KMT2C: variants seen among roughly 807,000 people sequenced by gnomAD.
KMT2C encodes the protein histone-lysine N-methyltransferase 2C.
A neutral mutation model predicts 507.9 loss-of-function variants in KMT2C; 88 were observed. The ratio of observed to expected loss-of-function variants is 0.17; its 90% CI spans 0.15 to 0.21. The LOEUF (loss-of-function observed/expected upper bound fraction) is 0.21, where lower values mean the gene tolerates loss of function less well. Among genes scored for constraint, KMT2C ranks in the 10% least tolerant of loss-of-function variants. The probability of loss-of-function intolerance (pLI) is 1.00; values close to 1 mark genes in which losing one functional copy is unlikely to be tolerated. For missense variants in KMT2C, 4,954 were observed against 5,957.8 expected, an observed-to-expected ratio of 0.83 and a Z score of 5.55; for synonymous variants, 2,049 against 2,080.8, an observed-to-expected ratio of 0.98 and a Z score of 0.42.
At chr7:152,290,310 T>G (rs1166002387) in intron 6 of KMT2C, among the ~76,000 whole-genome samples, 1 of 100,872 alleles carries the variant, frequency 9.9e-6, no homozygotes, top group African/African-American at 3.8e-5. Context: ...TTTTTTTTTT[T>G]TTTTTTTTTT....
At chr7:152,432,027 G>C (rs1026966657) in intron 1 of KMT2C, among the ~76,000 whole-genome samples, 1 of 152,184 alleles carries the variant, frequency 6.6e-6, no homozygotes, top group African/African-American at 2.4e-5. Flanking sequence ...GCTGGTCCTT[G>C]TAATGACAAT....
At chr7:152,373,631 A>C (rs1345311590) in intron 1 of KMT2C, among the ~76,000 whole-genome samples, 1 of 152,232 alleles carries the variant, frequency 6.6e-6, no homozygotes, top group Non-Finnish European at 1.5e-5. Context: ...AATATCACTA[A>C]TGTCTACTTA....
chr7:152,314,323 G>A (rs1288785309), intron 4 of KMT2C, among the ~76,000 whole-genome samples: 1 of 152,098 alleles, frequency 6.6e-6, no homozygotes, highest in Admixed American at 6.5e-5. Context: ...TAACCCTCAA[G>A]AGGCAGTGTT....
chr7:152,187,910 G>C (rs1382806239), intron 31 of KMT2C, 63 bp from the exon 32 acceptor site: 18 of 1,536,746 alleles, frequency 1.2e-5, no homozygotes, highest in African/African-American at 2.7e-5. Context: ...TTGAAGTAAA[G>C]CTGGCCCTTG....
rs749112384 is a variant in KMT2C at position 152,250,839 on chromosome 7, T to C, written c.1735+14A>G. Reference sequence around the variant, plus strand: ...TTTCTTCAAAAACAGAGTATATCCATTAAACATTCTTACCATCTGGAACAA... The same window carrying C: ...TTTCTTCAAAAACAGAGTATATCCACTAAACATTCTTACCATCTGGAACAA... On this transcript the variant is annotated intron_variant, in intron 12 of 58. Coordinates refer to ENST00000262189, the MANE Select transcript of KMT2C (RefSeq NM_170606.3). 6 of 1,325,790 alleles carry C rather than the reference T, an allele frequency of 4.5e-6. No homozygotes were observed. The highest frequency in any genetic ancestry group is 1.8e-4 in the Middle Eastern group (1 of 5,494). 82.1% of individuals were successfully genotyped at this position (1,325,790 alleles called of 1,614,324 possible). A position where few individuals can be genotyped will look rare whatever the true frequency, so the allele number is the denominator to read the frequency against.
At chr7:152,247,279 AG>A (rs1305855634) in intron 14 of KMT2C, among the ~76,000 whole-genome samples, 5 of 152,208 alleles carry the variant, frequency 3.3e-5, no homozygotes, top group Non-Finnish European at 7.3e-5. Flanking sequence ...CTTAAAGGGT[AG>A]AATGTACATG....
At position 152,171,152 on chromosome 7, in the gene KMT2C, C is replaced by A. The variant is rs956504257; in HGVS notation, c.9453+112G>T. The A allele has an allele frequency of 1.7e-5, 10 of 593,108 alleles. No individual in the cohort carries two copies. In the African/African-American group the frequency reaches 1.7e-4, roughly 10 times the overall value. 36.7% of individuals were successfully genotyped at this position (593,108 alleles called of 1,614,324 possible). On this transcript the variant is annotated intron_variant, in intron 40 of 58. Transcript: ENST00000262189. ...TGGCATATGGTGAAATCCGCATTTA[C>A]TTCTGCACAAACCTAGTACTACTCT... is the stretch of plus-strand genomic sequence containing the variant.
At chr7:152,335,416 G>A (rs1589265743) in intron 2 of KMT2C, among the ~76,000 whole-genome samples, 1 of 152,246 alleles carries the variant, frequency 6.6e-6, no homozygotes, top group East Asian at 1.9e-4. Flanking sequence ...ACTTAAGGAG[G>A]AATAAGAATA....
intron 2 of KMT2C, among the ~76,000 whole-genome samples, chr7:152,338,451 A>G (rs988720263): frequency 1.3e-5 from 2 of 152,178 alleles, no homozygotes; most frequent in African/African-American, 4.8e-5. Context: ...TGATGCTGGT[A>G]AGCACATGGC....
At chr7:152,306,888 G>A (rs1210016755) in intron 6 of KMT2C, among the ~76,000 whole-genome samples, 1 of 152,220 alleles carries the variant, frequency 6.6e-6, no homozygotes, top group Non-Finnish European at 1.5e-5. Flanking sequence ...GCCAGGCGTG[G>A]TGGCACATGC....
chr7:152,194,684 GTC>G (rs2093910954), intron 28 of KMT2C, 116 bp from the exon 29 acceptor site: 1 of 688,582 alleles, frequency 1.5e-6, no homozygotes, highest in East Asian at 3.1e-5. Context: ...GAGAAATAAA[GTC>G]TGTAATTCTG....
chr7:152,389,287 C>T (rs1589667520), intron 1 of KMT2C, among the ~76,000 whole-genome samples: 1 of 148,892 alleles, frequency 6.7e-6, no homozygotes, highest in Non-Finnish European at 1.5e-5. Flanking sequence ...ATCACTTGAA[C>T]CTGGGAGGCC....
At chr7:152,264,848 CAA>C (rs1477098190) in intron 8 of KMT2C, among the ~76,000 whole-genome samples, 188 bp downstream of exon 8, 1 of 150,646 alleles carries the variant, frequency 6.6e-6, no homozygotes, top group Non-Finnish European at 1.5e-5. Context: ...AATATAATAA[CAA>C]ATTATATTAT....
intron 2 of KMT2C, among the ~76,000 whole-genome samples, chr7:152,336,658 CAG>C (rs1334396920): frequency 1.3e-5 from 2 of 152,208 alleles, no homozygotes; most frequent in African/African-American, 4.8e-5. Context: ...CACCACTTTG[CAG>C]AGTTTTTGCC....
rs778677680 is a variant in KMT2C, at chr7:152,177,246, T to C, written c.8207A>G (p.Asp2736Gly). Reference protein sequence around the residue: ...DGKVVELDTLDNLETNDPNLD... With the variant: ...DGKVVELDTLGNLETNDPNLD... ...GTTGGGATCATTAGTTTCCAAATTA[T>C]CTAAAGTATCCAATTCAACTACCTT... Residue 2736 changes from aspartate to glycine, a missense_variant, in exon 38 of 59, where the codon GAT (aspartate) becomes GGT (glycine). By Grantham distance (94) the Asp-to-Gly change is moderately conservative (BLOSUM62 -1). Coordinates refer to ENST00000262189, the MANE Select transcript of KMT2C (RefSeq NM_170606.3). 10 of 1,613,904 alleles carry C rather than the reference T, an allele frequency of 6.2e-6. No individual in the cohort carries two copies. The highest frequency in any genetic ancestry group is 1.3e-5 in the African/African-American group (1 of 75,040).
intron 1 of KMT2C, among the ~76,000 whole-genome samples, chr7:152,415,032 G>A (rs10282519): frequency 0.038 from 5,770 of 151,806 alleles, 385 homozygotes; most frequent in African/African-American, 0.13. Context: ...TTTTTGTAGA[G>A]ACAGGATCTC....
intron 18 of KMT2C, among the ~76,000 whole-genome samples, chr7:152,228,829 G>A (rs1252722473): frequency 2.0e-5 from 3 of 152,000 alleles, no homozygotes; most frequent in Non-Finnish European, 2.9e-5. Flanking sequence ...TTTTTTAATT[G>A]GCTTTATATA....
intron 26 of KMT2C, among the ~76,000 whole-genome samples, chr7:152,201,839 C>T (rs887248627): frequency 7.9e-5 from 12 of 152,024 alleles, no homozygotes; most frequent in Non-Finnish European, 1.8e-4. Flanking sequence ...AGAGGCACCA[C>T]TATGTCACAA....
chr7:152,163,062 A>G lies in KMT2C; in HGVS notation c.10515T>C (p.Asn3505=). ...AAGGAGGGCCTACCTGCCTTCGCTC[A>G]TTAGTCTGCATGAAAGTTTGGGTGG... is the stretch of plus-strand genomic sequence containing the variant. ...SPSTQTFMQT[N]ERRQVGPPSF... The change falls in exon 43 of 59, where the codon AAT becomes AAC. Residue 3505 remains asparagine (N), a synonymous_variant. Transcript: ENST00000262189. The G allele has an allele frequency of 6.2e-7, 1 of 1,614,234 alleles. No individual in the cohort carries two copies. The highest frequency in any genetic ancestry group is 8.5e-7 in the Non-Finnish European group (1 of 1,180,050).
Sources: allele counts gnomAD v4.1 joint callset (sites outside exome capture counted in the v4.1 genomes callset), GRCh38; gene constraint gnomAD v4.1.1; transcripts MANE v1.5; gene names NCBI Gene and HGNC (gene_info 2026-07-23, HGNC 2026-07-21).